The following PPM1E variants were observed in gnomAD, a reference collection of about 807,000 sequenced individuals.
The protein encoded by PPM1E is protein phosphatase 1E.
A neutral mutation model predicts 65.9 loss-of-function variants in PPM1E; 20 were observed. The observed-to-expected ratio is 0.30, with a 90% CI of 0.21 to 0.44. PPM1E has a LOEUF of 0.44. Among genes scored for constraint, PPM1E ranks in the 20% least tolerant of loss-of-function variants. PPM1E has a pLI of 1.00. For synonymous variants in PPM1E, 352 were observed against 374.9 expected, an observed-to-expected ratio of 0.94 and a Z score of 0.70; for missense variants, 713 against 953.1, an observed-to-expected ratio of 0.75 and a Z score of 3.32.
rs16943329 is a variant in PPM1E, at chr17:58,975,996, A to C, written c.1210+3071A>C. 2.6e-3 allele frequency among the ~76,000 whole-genome samples: 389 copies of C among 152,332 alleles called. 1 individual carries two copies. Among genetic ancestry groups the C allele is most frequent in the African/African-American group, 9.0e-3 (376 of 41,576 alleles). ...GGCAGTAACATAAAGGAGCAAGTGT[A>C]GATTTAGTTTCTTGGGCAGTTTGAT... On this transcript the variant is annotated intron_variant, in intron 6 of 6. Coordinates refer to ENST00000308249, the MANE Select transcript of PPM1E (RefSeq NM_014906.5).
At chr17:58,875,814 A>G (rs1456838727) in intron 1 of PPM1E, among the ~76,000 whole-genome samples, 1 of 152,154 alleles carries the variant, frequency 6.6e-6, no homozygotes, top group African/African-American at 2.4e-5. Context: ...GGGGGAAAAC[A>G]CAGCTCATCA....
intron 2 of PPM1E, among the ~76,000 whole-genome samples, chr17:58,956,088 G>A (rs888942092): frequency 3.3e-5 from 5 of 152,150 alleles, no homozygotes; most frequent in African/African-American, 1.2e-4. Context: ...AAAAAGATGA[G>A]TGGGTGAGGG....
At chr17:58,979,612 T>C (rs1404120826) in intron 6 of PPM1E, among the ~76,000 whole-genome samples, 1 of 152,206 alleles carries the variant, frequency 6.6e-6, no homozygotes, top group Non-Finnish European at 1.5e-5. Flanking sequence ...ATCTACTGAA[T>C]CAACCATGTC....
At chr17:58,758,904 TAC>T (rs2049795629) in intron 1 of PPM1E, among the ~76,000 whole-genome samples, 1 of 152,030 alleles carries the variant, frequency 6.6e-6, no homozygotes, top group South Asian at 2.1e-4. Context: ...ACCCCGTCTC[TAC>T]TAAAAACACA....
At chr17:58,957,979 C>T (rs771171856) in intron 2 of PPM1E, among the ~76,000 whole-genome samples, 1 of 151,934 alleles carries the variant, frequency 6.6e-6, no homozygotes, top group Non-Finnish European at 1.5e-5. Context: ...ACTGTTTCTA[C>T]AAAAAATTTA....
Position 58,756,196 on chromosome 17 carries a change from G to A in PPM1E, c.199G>A (p.Gly67Arg), listed in dbSNP as rs1289212716. 5.1e-6 allele frequency: 8 copies of A among 1,561,588 alleles called. No homozygotes were observed. The highest frequency in any genetic ancestry group is 6.9e-6 in the Non-Finnish European group (8 of 1,152,644). Residue 67 changes from glycine (G) to arginine (R), a missense_variant, in exon 1 of 7, where the codon GGG becomes AGG. Transcript: ENST00000308249. ...GGCCGAGGCTTCGGTAGAGGAACCC[G>A]GGGAGGAGGCGGCCACGGTAGCCGC... ...EAAEASVEEPGEEAATVAATE... is the reference protein window; with the variant it reads ...EAAEASVEEPREEAATVAATE...
At chr17:58,922,084 G>A (rs1598651160) in intron 1 of PPM1E, among the ~76,000 whole-genome samples, 2 of 151,086 alleles carry the variant, frequency 1.3e-5, no homozygotes, top group African/African-American at 4.9e-5. Context: ...GGGTACAGAT[G>A]CACATATTTT....
intron 1 of PPM1E, among the ~76,000 whole-genome samples, chr17:58,853,788 A>C (rs1304492306): frequency 6.6e-6 from 1 of 152,036 alleles, no homozygotes; most frequent in Non-Finnish European, 1.5e-5. Flanking sequence ...CCGAAATTGC[A>C]CCACTGCACT....
chr17:58,775,218 A>C (rs1316025846), intron 1 of PPM1E, among the ~76,000 whole-genome samples: 1 of 152,168 alleles, frequency 6.6e-6, no homozygotes. Context: ...AATGTAGAAC[A>C]CTGGTCCAAG....
intron 1 of PPM1E, among the ~76,000 whole-genome samples, chr17:58,830,609 A>G (rs1023920935): frequency 1.3e-5 from 2 of 151,968 alleles, no homozygotes; most frequent in Non-Finnish European, 2.9e-5. Context: ...CCCAGCCTTC[A>G]GTGTTATTAT....
At chr17:58,801,594 A>G (rs974614706) in intron 1 of PPM1E, among the ~76,000 whole-genome samples, 31 of 150,588 alleles carry the variant, frequency 2.1e-4, no homozygotes, top group African/African-American at 7.6e-4. Flanking sequence ...GGCACGTGCC[A>G]CCAGGCCTGG....
At chr17:58,862,509 A>G (rs572316397) in intron 1 of PPM1E, among the ~76,000 whole-genome samples, 1 of 152,310 alleles carries the variant, frequency 6.6e-6, no homozygotes, top group South Asian at 2.1e-4. Flanking sequence ...AAATGCTTCT[A>G]TCCTATGAGA....
chr17:58,955,775 C>T lies in PPM1E; in HGVS notation c.583+8C>T. 6.3e-7 allele frequency: 1 copy of T among 1,575,472 alleles called. No homozygotes were observed. The highest frequency in any genetic ancestry group is 1.2e-5 in the South Asian group (1 of 83,416). ...GCACAGAAGGGACTGTGGGTGAGTA[C>T]CTTTCTACATTATTTGTTTAAAAAT... On this transcript the variant is annotated splice_region_variant and intron_variant, in intron 2 of 6. Coordinates refer to ENST00000308249, the MANE Select transcript of PPM1E (RefSeq NM_014906.5).
intron 1 of PPM1E, among the ~76,000 whole-genome samples, chr17:58,880,883 G>T (rs1319132361): frequency 6.6e-6 from 1 of 151,964 alleles, no homozygotes; most frequent in Non-Finnish European, 1.5e-5. Flanking sequence ...TTTTAAACTG[G>T]TGATGGTTCA....
rs1368461116 is a variant in PPM1E at position 58,909,380 on chromosome 17, C to T, written c.465-46269C>T. Among the ~76,000 whole-genome samples the T allele has an allele frequency of 1.3e-5, 2 of 152,110 alleles. 1 individual carries two copies. The highest frequency in any genetic ancestry group is 4.1e-4 in the South Asian group (2 of 4,824). ...CAAGCAATCCTCCTGCCTCAGCCTC[C>T]TTAGTAGCTAGGACTACAGGTACAC... On this transcript the variant is annotated intron_variant, in intron 1 of 6. Transcript: ENST00000308249.
intron 1 of PPM1E, among the ~76,000 whole-genome samples, chr17:58,794,473 G>A (rs370169060): frequency 2.0e-5 from 3 of 152,062 alleles, no homozygotes; most frequent in East Asian, 1.9e-4. Flanking sequence ...GATAAATTGC[G>A]TGTTGTGGGG....
At chr17:58,906,717 C>T (rs1465724449) in intron 1 of PPM1E, among the ~76,000 whole-genome samples, 2 of 151,914 alleles carry the variant, frequency 1.3e-5, no homozygotes, top group Non-Finnish European at 2.9e-5. Context: ...CTTCTGCTTT[C>T]TTTGGATTTA....
chr17:58,775,734 G>T (rs2049987005), intron 1 of PPM1E, among the ~76,000 whole-genome samples: 1 of 150,314 alleles, frequency 6.7e-6, no homozygotes, highest in South Asian at 2.1e-4. Flanking sequence ...CTAACAAGGT[G>T]AAACCCCGTC....
intron 1 of PPM1E, chr17:58,835,993 T>A (rs1057266297): frequency 8.6e-5 from 13 of 152,016 alleles, no homozygotes; most frequent in African/African-American, 2.2e-4. Context: ...TATTATAATT[T>A]AAAAAAAATG....
Sources: gnomAD v4.1 joint callset for allele counts (sites outside exome capture counted in the v4.1 genomes callset) on GRCh38, gnomAD v4.1.1 for gene constraint, MANE v1.5 for transcripts, NCBI Gene and HGNC (gene_info 2026-07-23, HGNC 2026-07-21) for gene names.